Variants in CSMD2 observed in about 807,000 individuals in gnomAD.
CSMD2 encodes CUB and sushi domain-containing protein 2.
A neutral mutation model predicts 398.5 loss-of-function variants in CSMD2; 130 were observed. The observed-to-expected ratio is 0.33, with a 90% CI of 0.28 to 0.38. CSMD2 has a LOEUF of 0.38. Ranked by LOEUF, CSMD2 falls within the 10% of genes least tolerant of loss-of-function variation. The probability of loss-of-function intolerance (pLI) is 1.00; values close to 1 mark genes in which losing one functional copy is unlikely to be tolerated. For synonymous variants in CSMD2, 1,828 were observed against 1,908.5 expected (o/e 0.96, Z 1.10); for missense variants, 3,829 against 4,764.9 (o/e 0.80, Z 5.78).
At chr1:33,652,238 T>A in intron 28 of CSMD2, 85 bp downstream of exon 28, 1 of 1,428,486 alleles carries the variant, frequency 7.0e-7, no homozygotes, top group Non-Finnish European at 9.8e-7. Flanking sequence ...GCTACAGACC[T>A]GTGAATACTC....
intron 12 of CSMD2, among the ~76,000 whole-genome samples, chr1:33,775,732 G>T (rs1002842282): frequency 2.0e-5 from 3 of 152,228 alleles, no homozygotes; most frequent in Non-Finnish European, 4.4e-5. Context: ...TTAAGTTCAA[G>T]AGAGAAGCCT....
chr1:33,526,974 T>G (rs1156810253), intron 65 of CSMD2, among the ~76,000 whole-genome samples: 1 of 152,216 alleles, frequency 6.6e-6, no homozygotes, highest in Non-Finnish European at 1.5e-5. Flanking sequence ...TGGAAGTTGC[T>G]GGCTCTTTCT....
At chr1:34,050,868 T>A (rs1255173097) in intron 2 of CSMD2, among the ~76,000 whole-genome samples, 2 of 151,882 alleles carry the variant, frequency 1.3e-5, no homozygotes, top group Non-Finnish European at 2.9e-5. Context: ...AATGCTATGC[T>A]AGCCCAGAGG....
At chr1:33,676,806 C>CA (rs1276008069) in intron 25 of CSMD2, among the ~76,000 whole-genome samples, 1 of 152,168 alleles carries the variant, frequency 6.6e-6, no homozygotes, top group African/African-American at 2.4e-5. Flanking sequence ...AATAATGCCA[C>CA]ATATTTACAA....
chr1:33,753,931 C>T lies in CSMD2; in HGVS notation c.1847-10325G>A, dbSNP rs74069160. On this transcript the variant is annotated intron_variant, in intron 13 of 70. Transcript: ENST00000373381. ...AGAATGTTTGCCAAATGTCTGCACA[C>T]CATTGTATCTGGGAAGTAAATAATT... Among the ~76,000 whole-genome samples, 1,483 of 152,280 alleles carry T rather than the reference C, an allele frequency of 9.7e-3. 30 individuals carry two copies. The highest frequency in any genetic ancestry group is 0.033 in the African/African-American group (1,383 of 41,556).
chr1:33,542,631 T>C (rs1656462271), intron 58 of CSMD2, 89 bp downstream of exon 58: 23 of 1,227,520 alleles, frequency 1.9e-5, no homozygotes, highest in Non-Finnish European at 2.6e-5. Context: ...CCAACCATTC[T>C]GCACCATCTT....
chr1:33,605,792 C>A (rs148225211), intron 41 of CSMD2: 7 of 1,228,434 alleles, frequency 5.7e-6, no homozygotes, highest in Admixed American at 4.6e-5. Context: ...TCAATTGAAC[C>A]TCTATTCACT....
chr1:34,032,781 G>A, intron 2 of CSMD2, 75 bp from the exon 3 acceptor site: 1 of 997,338 alleles, frequency 1.0e-6, no homozygotes, highest in Non-Finnish European at 1.5e-6. Context: ...TTTATTGAGT[G>A]CCTGCTGGAT....
At chr1:33,750,252 T>G (rs1362977538) in intron 13 of CSMD2, among the ~76,000 whole-genome samples, 1 of 152,098 alleles carries the variant, frequency 6.6e-6, no homozygotes, top group Non-Finnish European at 1.5e-5. Context: ...GCAAGATCCA[T>G]CTGTTGGTAA....
rs749287039 is a variant in CSMD2 at position 33,519,928 on chromosome 1, G to A, written c.10620C>T (p.Asp3540=). 5 of 1,614,064 alleles carry A rather than the reference G, an allele frequency of 3.1e-6. No individual in the cohort carries two copies. The highest frequency in any genetic ancestry group is 2.7e-5 in the African/African-American group (2 of 74,924). Reference sequence around the variant, plus strand: ...CAAAGTGGCGGCCAATGGACTCGGGGTCTGACTCCAGCAGCCTGAGGTCTG... The same window carrying A: ...CAAAGTGGCGGCCAATGGACTCGGGATCTGACTCCAGCAGCCTGAGGTCTG... The part of the protein sequence containing the change: ...QRLDLRLLES[D]PESIGRHFAS... The change falls in exon 69 of 71, where the codon GAC becomes GAT. Residue 3540 remains aspartate (D), a synonymous_variant. Coordinates refer to ENST00000373381, the MANE Select transcript of CSMD2 (RefSeq NM_001281956.2). This position sits in a 1 kb window ranked among gnomAD's most constrained non-coding sequence, Gnocchi z 5.6.
At chr1:34,000,535 C>A (rs1374993386) in intron 3 of CSMD2, among the ~76,000 whole-genome samples, 1 of 152,176 alleles carries the variant, frequency 6.6e-6, no homozygotes, top group Admixed American at 6.5e-5. Flanking sequence ...TCATAATCCC[C>A]TTTCCCAGGC....
chr1:33,976,873 C>T (rs1645985180), intron 3 of CSMD2, among the ~76,000 whole-genome samples: 1 of 152,050 alleles, frequency 6.6e-6, no homozygotes, highest in African/African-American at 2.4e-5. Context: ...AGCTGTTTGA[C>T]TGGTATTGGT....
intron 5 of CSMD2, among the ~76,000 whole-genome samples, chr1:33,872,187 A>C (rs1488686904): frequency 1.3e-5 from 2 of 152,196 alleles, no homozygotes; most frequent in Non-Finnish European, 2.9e-5. Flanking sequence ...TGTACCTAAT[A>C]AACTTAGTGA....
At chr1:33,867,269 C>T (rs185506738) in intron 5 of CSMD2, among the ~76,000 whole-genome samples, 122 of 152,292 alleles carry the variant, frequency 8.0e-4, no homozygotes, top group Admixed American at 7.8e-3. Context: ...CTGAGGGTGG[C>T]CTCAGACCAT....
At chr1:33,544,674 G>C (rs553604707) in intron 57 of CSMD2, among the ~76,000 whole-genome samples, 6 of 152,120 alleles carry the variant, frequency 3.9e-5, no homozygotes, top group African/African-American at 7.2e-5. Flanking sequence ...GTCAGGGGAG[G>C]GGGAGGATGA....
intron 51 of CSMD2, 38 bp downstream of exon 51, chr1:33,571,494 C>A (rs1659593638): frequency 1.5e-6 from 2 of 1,374,572 alleles, no homozygotes; most frequent in Admixed American, 2.3e-5. Context: ...GTAGGAGGGA[C>A]CCTGCTAAAC....
chr1:33,761,666 A>T (rs1649831542), intron 13 of CSMD2, among the ~76,000 whole-genome samples: 1 of 152,190 alleles, frequency 6.6e-6, no homozygotes, highest in Non-Finnish European at 1.5e-5. Context: ...GAGCTCCATC[A>T]TGCATTCTAA....
chr1:34,112,000 CTCTCTCTCTCTCTCTCTCTT>C (rs1661135049), intron 1 of CSMD2, among the ~76,000 whole-genome samples: 2 of 151,352 alleles, frequency 1.3e-5, no homozygotes, highest in South Asian at 2.1e-4. Context: ...CTCTCTCTCT[CTCTCTCTCTCTCTCTCTCTT>C]TCTCTCTCTT....
At chr1:33,912,334 G>A (rs891390386) in intron 5 of CSMD2, among the ~76,000 whole-genome samples, 4 of 141,158 alleles carry the variant, frequency 2.8e-5, no homozygotes, top group African/African-American at 7.9e-5. Flanking sequence ...GGAAATTGGA[G>A]GGGCAGAGGT....
Sources: allele counts gnomAD v4.1 joint callset (sites outside exome capture counted in the v4.1 genomes callset), GRCh38; gene constraint gnomAD v4.1.1; non-coding constraint Gnocchi (gnomAD v3.1); transcripts MANE v1.5; gene names NCBI Gene and HGNC (gene_info 2026-07-23, HGNC 2026-07-21).